RTF1: variants seen among roughly 807,000 people sequenced by gnomAD.
RTF1 encodes RTF1 homolog, Paf1/RNA polymerase II complex component.
Under a neutral mutation model 95.7 loss-of-function variants are expected in RTF1, and 10 were observed. The observed-to-expected ratio is 0.10, with a 90% CI of 0.06 to 0.18. The LOEUF (loss-of-function observed/expected upper bound fraction) is 0.18, where lower values mean the gene tolerates loss of function less well. RTF1 is among the 10% of genes least tolerant of loss of function. RTF1 has a pLI of 1.00. For synonymous variants in RTF1, 305 were observed against 311.8 expected (o/e 0.98, Z 0.23); for missense variants, 458 against 875.6 (o/e 0.52, Z 6.02).
At chr15:41,468,970 TTCTC>T (rs1355591778) in intron 6 of RTF1, among the ~76,000 whole-genome samples, 1 of 152,258 alleles carries the variant, frequency 6.6e-6, no homozygotes, top group East Asian at 1.9e-4. Context: ...ATCCATCTTT[TTCTC>T]TCTCTCTTTT....
chr15:41,470,779 C>T (rs1392512753), intron 7 of RTF1, among the ~76,000 whole-genome samples: 1 of 150,922 alleles, frequency 6.6e-6, no homozygotes, highest in African/African-American at 2.4e-5. Context: ...TTGCCTCAGC[C>T]TCCCAAGTAG....
At chr15:41,425,328 T>C (rs2140944969) in intron 1 of RTF1, among the ~76,000 whole-genome samples, 1 of 152,120 alleles carries the variant, frequency 6.6e-6, no homozygotes, top group South Asian at 2.1e-4. Flanking sequence ...ATGGTCTTGA[T>C]CTCCTGACCT....
rs1419975891 is a variant in RTF1 at position 41,464,728 on chromosome 15, A to G, written c.663-43A>G. On this transcript the variant is annotated intron_variant, in intron 4 of 17. Transcript: ENST00000389629. ...CTATCTAATAGAAATCAGTTTTTATATACATTTCATTGCTACTTAAAAACC... is the reference window on the plus strand; with the variant it reads ...CTATCTAATAGAAATCAGTTTTTATGTACATTTCATTGCTACTTAAAAACC... The G allele has an allele frequency of 2.9e-5, 43 of 1,462,162 alleles. No individual in the cohort carries two copies. In the Admixed American group the frequency reaches 9.6e-4, roughly 32 times the overall value. The allele number at this position is 1,462,162 out of a possible 1,614,324, so 90.6% of individuals were successfully genotyped here. A position where few individuals can be genotyped will look rare whatever the true frequency, so the allele number is the denominator to read the frequency against.
chr15:41,427,145 ATTTTTT>A (rs1225127893), intron 1 of RTF1, among the ~76,000 whole-genome samples: 3 of 78,146 alleles, frequency 3.8e-5, no homozygotes, highest in African/African-American at 6.1e-5. Flanking sequence ...TGGTCTACAA[ATTTTTT>A]TTTTTTTTTT....
chr15:41,470,337 T>C lies in RTF1; in HGVS notation c.970T>C (p.Ser324Pro). ...TGAAGAGGAGGAAGAGGATGACAAA[T>C]CCAGTGAAAAGTCAGACCGCTCATC... is the stretch of plus-strand genomic sequence containing the variant. Reference protein sequence around the residue: ...DDEEEEEDDKSSEKSDRSSRT... With the variant: ...DDEEEEEDDKPSEKSDRSSRT... Residue 324 changes from serine to proline, a missense_variant, in exon 7 of 18, where the codon TCC (serine) becomes CCC (proline). This residue lies in a region of RTF1 where 150 missense variants were observed against 275.7 expected (regional missense o/e 0.54). Transcript: ENST00000389629. The C allele has an allele frequency of 6.2e-7, 1 of 1,614,050 alleles. No homozygotes were observed.
At chr15:41,454,396 A>G (rs1390673286) in intron 3 of RTF1, among the ~76,000 whole-genome samples, 1 of 152,132 alleles carries the variant, frequency 6.6e-6, no homozygotes, top group Admixed American at 6.6e-5. Flanking sequence ...CGGCCATAAA[A>G]AAATTTTTTT....
Position 41,460,477 on chromosome 15 carries a change from A to G in RTF1, c.662+2601A>G, listed in dbSNP as rs28505329. ...CAAGTTTACCTATATTGGAACAAAT[A>G]GGACTTAATAAACTGTGCTGGAGTT... is the stretch of plus-strand genomic sequence containing the variant. On this transcript the variant is annotated intron_variant, in intron 4 of 17. Transcript: ENST00000389629. Among the ~76,000 whole-genome samples, 1,092 of 152,256 alleles carry G rather than the reference A, an allele frequency of 7.2e-3. 8 individuals carry two copies. Among genetic ancestry groups the G allele is most frequent in the Middle Eastern group, 0.034 (10 of 294 alleles).
intron 6 of RTF1, among the ~76,000 whole-genome samples, chr15:41,468,387 G>A (rs998482586): frequency 2.2e-4 from 33 of 151,612 alleles, no homozygotes; most frequent in African/African-American, 7.5e-4. Context: ...GCGCGATCTC[G>A]GCTCACTGCA....
At chr15:41,452,385 C>T (rs149474937) in intron 2 of RTF1, among the ~76,000 whole-genome samples, 8 of 151,946 alleles carry the variant, frequency 5.3e-5, no homozygotes, top group African/African-American at 1.5e-4. Context: ...GCTAAGAGCC[C>T]GAGATCGCAC....
intron 2 of RTF1, among the ~76,000 whole-genome samples, chr15:41,443,353 T>A (rs962258405): frequency 6.6e-6 from 1 of 152,206 alleles, no homozygotes; most frequent in African/African-American, 2.4e-5. Context: ...CTATTATTTT[T>A]AGTGATTGAA....
chr15:41,434,999 C>T (rs754480604), intron 1 of RTF1, among the ~76,000 whole-genome samples: 6 of 148,362 alleles, frequency 4.0e-5, no homozygotes, highest in Non-Finnish European at 7.4e-5. Context: ...CTCGCTCTGT[C>T]GCCCATGCTG....
intron 1 of RTF1, among the ~76,000 whole-genome samples, chr15:41,419,195 G>A (rs1595420592): frequency 1.3e-5 from 2 of 152,284 alleles, no homozygotes; most frequent in East Asian, 1.9e-4. Flanking sequence ...GCAATTAGAA[G>A]GAGTAGAATC....
intron 1 of RTF1, among the ~76,000 whole-genome samples, chr15:41,423,596 C>T (rs903698217): frequency 1.7e-4 from 25 of 150,812 alleles, no homozygotes; most frequent in Non-Finnish European, 1.5e-4. Context: ...CTCAAACTCC[C>T]GACCTCAGAT....
rs531541128 is a variant in RTF1, at chr15:41,436,865, G to T, written c.199-1456G>T. 7.9e-5 allele frequency among the ~76,000 whole-genome samples: 12 copies of T among 152,098 alleles called. No homozygotes were observed. The East Asian group carries it at 2.3e-3, about 30-fold the overall frequency. The stretch of plus-strand genomic sequence containing the variant: ...GCACTTTGGGAGGTCGAGTTGGGCG[G>T]ATTACAAGGTCAGGAGATCGAGACC... On this transcript the variant is annotated intron_variant, in intron 1 of 17. Transcript: ENST00000389629.
intron 2 of RTF1, among the ~76,000 whole-genome samples, chr15:41,443,269 AAGT>A (rs2050744746): frequency 1.3e-5 from 2 of 152,218 alleles, no homozygotes; most frequent in Non-Finnish European, 2.9e-5. Context: ...GTGAGGAAAT[AAGT>A]AGATGTTTCA....
chr15:41,478,943 C>CTTTT (rs374560005), intron 15 of RTF1, 160 bp from the exon 16 acceptor site: 56 of 508,368 alleles, frequency 1.1e-4, no homozygotes, highest in Middle Eastern at 3.7e-4. Context: ...TTGTAATTGC[C>CTTTT]TTTTTTTTTT....
In RTF1 at chr15:41,478,564, T is replaced by C. The variant is rs531248582; in HGVS notation, c.1757T>C (p.Met586Thr). The C allele has an allele frequency of 5.0e-6, 8 of 1,613,624 alleles. No homozygotes were observed. In the African/African-American group the frequency reaches 9.3e-5, roughly 19 times the overall value. The change falls in exon 15 of 18, where the codon ATG (methionine) becomes ACG (threonine). Residue 586 changes from methionine (M) to threonine (T), a missense_variant. Met to Thr is a moderately conservative substitution (Grantham distance 81). Coordinates refer to ENST00000389629, the MANE Select transcript of RTF1 (RefSeq NM_015138.5). ...CTGTTTCAGGCTGAAAGTCACAACA[T>C]GAAAAACCAACAGATGGATCCCTTT... ...EKALVAESHN[M>T]KNQQMDPFTR...
At chr15:41,449,179 C>A (rs2050777788) in intron 2 of RTF1, among the ~76,000 whole-genome samples, 1 of 151,118 alleles carries the variant, frequency 6.6e-6, no homozygotes, top group Non-Finnish European at 1.5e-5. Context: ...CCACTGCGCC[C>A]AGCCTATTTT....
intron 4 of RTF1, among the ~76,000 whole-genome samples, chr15:41,463,803 A>G (rs1204554436): frequency 6.6e-6 from 1 of 151,308 alleles, no homozygotes; most frequent in Non-Finnish European, 1.5e-5. Context: ...GATAATAGCT[A>G]TCCTGGTGGG....
Sources: allele counts gnomAD v4.1 joint callset (sites outside exome capture counted in the v4.1 genomes callset), GRCh38; gene constraint gnomAD v4.1.1; regional missense constraint gnomAD v4.1.1; transcripts MANE v1.5; gene names NCBI Gene and HGNC (gene_info 2026-07-23, HGNC 2026-07-21).